Variants in LAMC2 observed in about 807,000 individuals in gnomAD.
LAMC2 encodes laminin subunit gamma-2.
A neutral mutation model predicts 140.2 loss-of-function variants in LAMC2; 97 were observed. That is an observed-to-expected ratio of 0.69 (90% confidence interval 0.59 to 0.82). The LOEUF (loss-of-function observed/expected upper bound fraction) is 0.82, where lower values mean the gene tolerates loss of function less well. Among genes scored for constraint, LAMC2 ranks in the 40% least tolerant of loss-of-function variants. The pLI is 0.00. For synonymous variants in LAMC2, 513 were observed against 540.2 expected, an observed-to-expected ratio of 0.95 and a Z score of 0.70; for missense variants, 1,402 against 1,476.1, an observed-to-expected ratio of 0.95 and a Z score of 0.82.
rs1391397968 is a variant in LAMC2, at chr1:183,207,932, A to C, written c.131A>C (p.His44Pro). ...SRQCIFDREL[H>P]RQTGNGFRCL... ...CAGTGTATCTTTGATCGGGAACTTCACAGACAAACTGGTAATGGATTCCGC... is the reference window on the plus strand; with the variant it reads ...CAGTGTATCTTTGATCGGGAACTTCCCAGACAAACTGGTAATGGATTCCGC... The change falls in exon 2 of 23, where the codon CAC (histidine) becomes CCC (proline). Residue 44 changes from histidine to proline, a missense_variant. By Grantham distance (77) the His-to-Pro change is moderately conservative. Coordinates refer to ENST00000264144, the MANE Select transcript of LAMC2 (RefSeq NM_005562.3). The C allele has an allele frequency of 3.1e-6, 5 of 1,611,322 alleles. No individual in the cohort carries two copies. Among genetic ancestry groups the C allele is most frequent in the Non-Finnish European group, 4.2e-6 (5 of 1,179,778 alleles).
rs142082019 is a variant in LAMC2, at chr1:183,227,696, C to T, written c.1467C>T (p.Thr489=). Residue 489 remains threonine (T), a splice_region_variant and synonymous_variant, in exon 10 of 23, where the codon ACC becomes ACT. Transcript: ENST00000264144. ...VVCNNCPPGV[T]GARCELCADG... ...GCAATAACTGCCCTCCCGGGGTCAC[C>T]GGTAAGGCCATGGGTCTGCTCTGCC... The T allele has an allele frequency of 2.5e-6, 4 of 1,613,934 alleles. No homozygotes were observed. The African/African-American group carries it at 5.3e-5, about 22-fold the overall frequency.
chr1:183,245,816 A>C (rs1660229331), downstream of LAMC2, among the ~76,000 whole-genome samples: 1 of 152,254 alleles, frequency 6.6e-6, no homozygotes, highest in Non-Finnish European at 1.5e-5. Flanking sequence ...GGATCCCATT[A>C]GTTAATAACC....
chr1:183,220,029 A>G (rs929578029), intron 4 of LAMC2, among the ~76,000 whole-genome samples: 4 of 152,264 alleles, frequency 2.6e-5, no homozygotes, highest in Non-Finnish European at 5.9e-5. Flanking sequence ...CTGGCACAAC[A>G]TAAGTGCTAA....
chr1:183,258,553 G>A, the LAMC2 span, among the ~76,000 whole-genome samples: 2 of 152,158 alleles, frequency 1.3e-5, no homozygotes, highest in Non-Finnish European at 2.9e-5. Flanking sequence ...GAGGACAACA[G>A]CCCTTTCCCA....
rs1306436930 is a variant in LAMC2 at position 183,235,685 on chromosome 1, G to C, written c.2411G>C (p.Gly804Ala). Reference sequence around the variant, plus strand: ...GCCCTGCATGAAGGAGTCGGAAGCGGAAGCGGTAGCCCGGACGGTGCTGTG... The same window carrying C: ...GCCCTGCATGAAGGAGTCGGAAGCGCAAGCGGTAGCCCGGACGGTGCTGTG... The part of the protein sequence containing the change: ...RKALHEGVGS[G>A]SGSPDGAVVQ... The change falls in exon 16 of 23, where the codon GGA becomes GCA. Residue 804 changes from glycine to alanine, a missense_variant. By Grantham distance (60) the Gly-to-Ala change is moderately conservative (BLOSUM62 0). Transcript: ENST00000264144. 1.2e-6 allele frequency: 2 copies of C among 1,614,252 alleles called. No individual in the cohort carries two copies. The highest frequency in any genetic ancestry group is 3.3e-5 in the Admixed American group (2 of 60,030).
At chr1:183,223,353 T>TCA in intron 7 of LAMC2, 29 bp downstream of exon 7, 1 of 1,595,202 alleles carries the variant, frequency 6.3e-7, no homozygotes, top group Non-Finnish European at 8.6e-7. Context: ...AGTAGGTCAA[T>TCA]TAGAGCAAAC....
chr1:183,187,180 T>C (rs1041400796), intron 1 of LAMC2, among the ~76,000 whole-genome samples: 4 of 152,240 alleles, frequency 2.6e-5, no homozygotes, highest in African/African-American at 7.2e-5. Flanking sequence ...ATTGCCCTGA[T>C]GTTTTATGTT....
At position 183,228,609 on chromosome 1, in the gene LAMC2, C is replaced by A; in HGVS notation, c.1704C>A (p.Asp568Glu). 6.2e-7 allele frequency: 1 copy of A among 1,614,084 alleles called. No homozygotes were observed. Among genetic ancestry groups the A allele is most frequent in the Non-Finnish European group, 8.5e-7 (1 of 1,180,038 alleles). The change falls in exon 11 of 23, where the codon GAC becomes GAA. Residue 568 changes from aspartate to glutamate, a missense_variant. Coordinates refer to ENST00000264144, the MANE Select transcript of LAMC2 (RefSeq NM_005562.3). This position sits in a 1 kb window ranked among gnomAD's most constrained non-coding sequence, Gnocchi z 4.3. ...FGDPLAPNPA[D>E]KCRACNCNPM... ...ACCCATTGGCTCCCAACCCAGCAGACAAGTGTCGAGGTAGGACTCCACCCC... is the reference window on the plus strand; with the variant it reads ...ACCCATTGGCTCCCAACCCAGCAGAAAAGTGTCGAGGTAGGACTCCACCCC...
chr1:183,258,625 G>T, the LAMC2 span, among the ~76,000 whole-genome samples: 1 of 152,268 alleles, frequency 6.6e-6, no homozygotes, highest in Admixed American at 6.5e-5. Context: ...TTAGCCACAA[G>T]GTTAGAAATT....
chr1:183,195,611 G>A (rs1335975437), intron 1 of LAMC2, among the ~76,000 whole-genome samples: 2 of 152,194 alleles, frequency 1.3e-5, no homozygotes, highest in East Asian at 3.8e-4. Flanking sequence ...TATGGTATCA[G>A]TTTTCTGGCT....
chr1:183,207,834 TG>T, intron 1 of LAMC2, 46 bp from the exon 2 acceptor site: 4 of 1,223,826 alleles, frequency 3.3e-6, no homozygotes, highest in Non-Finnish European at 4.7e-6. Context: ...GTTCCTGAGG[TG>T]TTTTTTTTTT....
downstream of LAMC2, among the ~76,000 whole-genome samples, chr1:183,245,380 G>C (rs1027450379): frequency 6.6e-6 from 1 of 152,184 alleles, no homozygotes; most frequent in Non-Finnish European, 1.5e-5. Context: ...AAATGAATTT[G>C]TAATCCTGTC....
chr1:183,251,780 A>G, the LAMC2 span: 1 of 154,916 alleles, frequency 6.5e-6, no homozygotes, highest in Non-Finnish European at 1.4e-5. Context: ...GATTCAAATT[A>G]TTCTGAGAAA....
intron 12 of LAMC2, among the ~76,000 whole-genome samples, chr1:183,231,419 A>G (rs1354152955): frequency 2.0e-5 from 3 of 152,218 alleles, no homozygotes; most frequent in African/African-American, 7.2e-5. Flanking sequence ...AAGTCTCAAA[A>G]TACTTGAAAT....
intron 1 of LAMC2, among the ~76,000 whole-genome samples, chr1:183,195,750 G>A (rs1478242552): frequency 6.6e-6 from 1 of 152,174 alleles, no homozygotes; most frequent in South Asian, 2.1e-4. Context: ...CATTCTTTAA[G>A]AAGATAAAAC....
intron 3 of LAMC2, among the ~76,000 whole-genome samples, chr1:183,216,182 G>A (rs1470093999): frequency 3.9e-5 from 6 of 152,170 alleles, no homozygotes; most frequent in Admixed American, 2.0e-4. Context: ...GAGGAGGCGC[G>A]TCCCATTGCC....
chr1:183,203,048 C>T (rs889855983), intron 1 of LAMC2, among the ~76,000 whole-genome samples: 2 of 152,174 alleles, frequency 1.3e-5, no homozygotes, highest in African/African-American at 4.8e-5. Flanking sequence ...GTGTTTTCTA[C>T]CTGTTAGAAC....
the LAMC2 span, among the ~76,000 whole-genome samples, chr1:183,256,325 C>T: frequency 2.0e-5 from 3 of 152,154 alleles, no homozygotes; most frequent in South Asian, 2.1e-4. Context: ...AGGAGAATCA[C>T]GTGAACCCAG....
chr1:183,203,779 G>A (rs1658798586), intron 1 of LAMC2, among the ~76,000 whole-genome samples: 2 of 152,086 alleles, frequency 1.3e-5, no homozygotes, highest in African/African-American at 4.8e-5. Flanking sequence ...CTCATGCAAT[G>A]CAGATACCCA....
Sources: allele counts gnomAD v4.1 joint callset (sites outside exome capture counted in the v4.1 genomes callset), GRCh38; gene constraint gnomAD v4.1.1; non-coding constraint Gnocchi (gnomAD v3.1); transcripts MANE v1.5; gene names NCBI Gene and HGNC (gene_info 2026-07-23, HGNC 2026-07-21).